The following NCOA3 variants were observed in gnomAD, a reference collection of about 807,000 sequenced individuals.
NCOA3 encodes CBP-interacting protein.
A neutral mutation model predicts 158.8 loss-of-function variants in NCOA3; 51 were observed. The ratio of observed to expected loss-of-function variants is 0.32; its 90% CI spans 0.26 to 0.41. The LOEUF (loss-of-function observed/expected upper bound fraction) is 0.41, where lower values mean the gene tolerates loss of function less well. Ranked by LOEUF, NCOA3 falls within the 10% of genes least tolerant of loss-of-function variation. The pLI, the probability that NCOA3 is intolerant of heterozygous loss-of-function variation, is 1.00. For missense variants in NCOA3, 1,510 were observed against 1,746.6 expected, an observed-to-expected ratio of 0.86 and a Z score of 2.41; for synonymous variants, 537 against 592.4, an observed-to-expected ratio of 0.91 and a Z score of 1.36.
chr20:47,563,079 A>G (rs1293502578), intron 1 of NCOA3, among the ~76,000 whole-genome samples: 1 of 152,226 alleles, frequency 6.6e-6, no homozygotes. Context: ...CAGGTGCCAC[A>G]AGCTTTGTCT....
At chr20:47,532,753 G>A (rs112444980) in intron 1 of NCOA3, among the ~76,000 whole-genome samples, 41 of 152,228 alleles carry the variant, frequency 2.7e-4, no homozygotes, top group Middle Eastern at 3.4e-3. Flanking sequence ...CATTATAGGT[G>A]TGAGCTATCA....
chr20:47,644,330 G>A (rs1005778776), intron 17 of NCOA3, among the ~76,000 whole-genome samples: 3 of 151,930 alleles, frequency 2.0e-5, no homozygotes, highest in Admixed American at 6.6e-5. Context: ...TAGTAGAGAC[G>A]GGGTTTCACC....
At chr20:47,525,559 G>A (rs1336069565) in intron 1 of NCOA3, among the ~76,000 whole-genome samples, 1 of 144,152 alleles carries the variant, frequency 6.9e-6, no homozygotes, top group East Asian at 2.1e-4. Context: ...GGCCGGACGG[G>A]GGGCTGACCC....
intron 16 of NCOA3, among the ~76,000 whole-genome samples, chr20:47,640,604 G>A (rs988210827): frequency 6.6e-6 from 1 of 151,914 alleles, no homozygotes; most frequent in Admixed American, 6.6e-5. Context: ...TTGTAGGCCC[G>A]GTGTGGTGGC....
rs2086884365 is a variant in NCOA3 at position 47,656,747 on chromosome 20, A to C, written c.*3330A>C. The C allele has an allele frequency of 6.6e-6, 1 of 152,640 alleles. No individual in the cohort carries two copies. Among genetic ancestry groups the C allele is most frequent in the African/African-American group, 2.4e-5 (1 of 41,464 alleles). The allele number at this position is 152,640 out of a possible 1,614,324, so 9.5% of individuals were successfully genotyped here. On this transcript the variant is annotated 3_prime_UTR_variant, in exon 23 of 23. Transcript: ENST00000371998. ...AAGTTTACATTATGTTGCTTAAAAA[A>C]ATAGAAATTATTCTTTATCTTGCAA...
Position 47,647,097 on chromosome 20 carries a change from G to C in NCOA3, c.3277G>C (p.Asp1093His), listed in dbSNP as rs1323394954. ...GGGACAGGCATTAGAGCCCAAACAGGATGCTTTCCAAGGCCAAGAAGCAGC... is the reference window on the plus strand; with the variant it reads ...GGGACAGGCATTAGAGCCCAAACAGCATGCTTTCCAAGGCCAAGAAGCAGC... ...NQGQALEPKQ[D>H]AFQGQEAAVM... Residue 1093 changes from aspartate (D) to histidine (H), a missense_variant, in exon 18 of 23, where the codon GAT becomes CAT. Around this residue, in one of 4 missense-constraint regions of NCOA3, gnomAD observed 1,017 missense variants for 1,098.3 expected, o/e 0.93. Coordinates refer to ENST00000371998, the MANE Select transcript of NCOA3 (RefSeq NM_181659.3). The C allele has an allele frequency of 6.2e-7, 1 of 1,613,902 alleles. No homozygotes were observed. Among genetic ancestry groups the C allele is most frequent in the Non-Finnish European group, 8.5e-7 (1 of 1,179,960 alleles).
rs149716562 is a variant in NCOA3, at chr20:47,636,576, G to A, written c.2190G>A (p.Lys730=). ...TCAAGCAGGAGCAGCTAAGTCCTAA[G>A]AAGAAGGAGAATAATGCACTTCTTA... ...NVVKQEQLSP[K]KKENNALLRY... The change falls in exon 12 of 23, where the codon AAG becomes AAA. Residue 730 remains lysine, a synonymous_variant. Transcript: ENST00000371998. 651 of 1,614,172 alleles carry A rather than the reference G, an allele frequency of 4.0e-4. 1 individual carries two copies. The highest frequency in any genetic ancestry group is 5.3e-4 in the Non-Finnish European group (631 of 1,180,040).
At chr20:47,651,348 T>C in intron 20 of NCOA3, 72 bp downstream of exon 20, 5 of 1,522,456 alleles carry the variant, frequency 3.3e-6, no homozygotes, top group Non-Finnish European at 3.5e-6. Context: ...TTACATTTAT[T>C]GCACATGAAA....
In NCOA3 at chr20:47,651,118, AG is replaced by A. The variant is rs2146348427; in HGVS notation, c.3789del (p.Gln1263HisfsTer24). On this transcript the variant is annotated frameshift_variant, in exon 20 of 23. Transcript: ENST00000371998. LOFTEE classifies it high-confidence loss of function. ...CAGCAGCAGCAGCAGCAGCAGCAGC[AG>A]CAACAGCAACAGCAACAGCAACAGC... is the stretch of plus-strand genomic sequence containing the variant. ...QQQQQQQQQQ[Q>X]QQQQQQQQQQ... 1 of 1,378,816 alleles carries A rather than the reference AG, an allele frequency of 7.3e-7. No homozygotes were observed. The highest frequency in any genetic ancestry group is 9.9e-7 in the Non-Finnish European group (1 of 1,010,310). 85.4% of individuals were successfully genotyped at this position (1,378,816 alleles called of 1,614,324 possible).
chr20:47,566,357 G>A (rs2085194831), intron 1 of NCOA3, among the ~76,000 whole-genome samples: 1 of 151,682 alleles, frequency 6.6e-6, no homozygotes, highest in African/African-American at 2.4e-5. Context: ...TAATTAACAT[G>A]AATAATGAAA....
At chr20:47,554,579 C>A (rs1408162168) in intron 1 of NCOA3, among the ~76,000 whole-genome samples, 1 of 132,866 alleles carries the variant, frequency 7.5e-6, no homozygotes, top group Non-Finnish European at 1.6e-5. Context: ...AAACAAAGAG[C>A]CAAATCATGA....
intron 2 of NCOA3, among the ~76,000 whole-genome samples, chr20:47,584,605 G>A (rs1209244461): frequency 6.9e-6 from 1 of 145,254 alleles, no homozygotes. Context: ...GGGCAACAGA[G>A]TGAGACTTCA....
intron 1 of NCOA3, among the ~76,000 whole-genome samples, chr20:47,560,518 A>G (rs968570471): frequency 2.6e-5 from 4 of 152,332 alleles, no homozygotes; most frequent in Non-Finnish European, 2.9e-5. Context: ...CTCACCAGCA[A>G]TGAATTAGAG....
intron 1 of NCOA3, among the ~76,000 whole-genome samples, chr20:47,571,002 G>GTGTGTGTGTGTGTGTA (rs1464626672): frequency 5.6e-5 from 8 of 141,912 alleles, no homozygotes; most frequent in Admixed American, 4.8e-4. Context: ...GTGTGTGTGT[G>GTGTGTGTGTGTGTGTA]TATATACATT....
chr20:47,518,801 A>G (rs746203691), intron 1 of NCOA3, among the ~76,000 whole-genome samples: 5 of 152,134 alleles, frequency 3.3e-5, no homozygotes, highest in African/African-American at 4.8e-5. Context: ...CACGCTACCA[A>G]TCAAGAAGTA....
chr20:47,521,351 T>C (rs1033496215), intron 1 of NCOA3, among the ~76,000 whole-genome samples: 1 of 152,086 alleles, frequency 6.6e-6, no homozygotes, highest in African/African-American at 2.4e-5. Context: ...GATTTTCTTT[T>C]TTTTTTTCTC....
intron 1 of NCOA3, among the ~76,000 whole-genome samples, chr20:47,575,727 A>G (rs2146209059): frequency 6.6e-6 from 1 of 152,352 alleles, no homozygotes; most frequent in South Asian, 2.1e-4. Flanking sequence ...ACGTAAAGGT[A>G]AATTTAAGTC....
At chr20:47,534,910 ATC>A (rs1011150517) in intron 1 of NCOA3, among the ~76,000 whole-genome samples, 3 of 149,672 alleles carry the variant, frequency 2.0e-5, no homozygotes, top group African/African-American at 4.9e-5. Flanking sequence ...GTGAGACTCC[ATC>A]TCTCTCTTTT....
In NCOA3 at chr20:47,601,868, A is replaced by G. The variant is rs1206969711; in HGVS notation, c.-20+18607A>G. Among the ~76,000 whole-genome samples the G allele has an allele frequency of 2.0e-5, 3 of 152,234 alleles. No individual in the cohort carries two copies. The East Asian group carries it at 5.8e-4, about 29-fold the overall frequency. On this transcript the variant is annotated intron_variant, in intron 2 of 22. Coordinates refer to ENST00000371998, the MANE Select transcript of NCOA3 (RefSeq NM_181659.3). ...TGAAAAATAGTATGTATTGGACATG[A>G]GTACATGACAGCTGACATTTATCAA...
Sources: allele counts gnomAD v4.1 joint callset (sites outside exome capture counted in the v4.1 genomes callset), GRCh38; gene constraint gnomAD v4.1.1; regional missense constraint gnomAD v4.1.1; transcripts MANE v1.5; gene names NCBI Gene and HGNC (gene_info 2026-07-23, HGNC 2026-07-21).